HTR3E: variants seen among roughly 807,000 people sequenced by gnomAD.
The protein encoded by HTR3E is 5-hydroxytryptamine receptor 3E, also known as 5-hydroxytryptamine (serotonin) receptor 3, family member E.
In HTR3E, 38 loss-of-function variants were observed where a neutral mutation model predicts 38.0. That is an observed-to-expected ratio of 1.00 (90% confidence interval 0.77 to 1.31). The LOEUF (loss-of-function observed/expected upper bound fraction) is 1.31. Ranked by LOEUF, HTR3E falls within the 50% of genes most tolerant of loss-of-function variation. The probability of loss-of-function intolerance (pLI) is 0.00; values close to 1 mark genes in which losing one functional copy is unlikely to be tolerated. For synonymous variants in HTR3E, 210 were observed against 232.9 expected (o/e 0.90, Z 0.89); for missense variants, 547 against 585.2 (o/e 0.93, Z 0.67).
At chr3:184,098,105 G>T (rs139523323) in intron 1 of HTR3E, among the ~76,000 whole-genome samples, 281 of 152,322 alleles carry the variant, frequency 1.8e-3, no homozygotes, top group Non-Finnish European at 3.3e-3. Context: ...AGGGCTCTAG[G>T]TTAGGTAAGG....
chr3:184,101,423 T>C, intron 2 of HTR3E, 62 bp from the exon 3 acceptor site: 1 of 1,355,388 alleles, frequency 7.4e-7, no homozygotes, highest in Non-Finnish European at 1.1e-6. Context: ...GCATGGGAAG[T>C]GGGGGAGATG....
In HTR3E at chr3:184,100,284, C is replaced by G. The variant is rs1191755709; in HGVS notation, c.68-201C>G. ...TTATTACATGAGGGTAAAGCAGTATCTACCTGATAGGGGATTGGGAGGATT... is the reference window on the plus strand; with the variant it reads ...TTATTACATGAGGGTAAAGCAGTATGTACCTGATAGGGGATTGGGAGGATT... On this transcript the variant is annotated intron_variant, in intron 1 of 8. Transcript: ENST00000415389. 2 of 1,408,250 alleles carry G rather than the reference C, an allele frequency of 1.4e-6. 1 individual carries two copies. The highest frequency in any genetic ancestry group is 4.6e-5 in the East Asian group (2 of 43,602). 87.2% of individuals were successfully genotyped at this position (1,408,250 alleles called of 1,614,324 possible).
intron 4 of HTR3E, among the ~76,000 whole-genome samples, chr3:184,104,539 C>CT (rs1183599338): frequency 8.6e-6 from 1 of 116,520 alleles, no homozygotes; most frequent in Non-Finnish European, 1.8e-5. Flanking sequence ...AACCTCATCT[C>CT]TTAAAAAAAA....
intron 1 of HTR3E, among the ~76,000 whole-genome samples, chr3:184,098,693 T>C (rs1377713682): frequency 6.6e-6 from 1 of 152,198 alleles, no homozygotes; most frequent in East Asian, 1.9e-4. Flanking sequence ...TCAGTCCAAG[T>C]TGTTGCTCCT....
At chr3:184,103,863 A>G (rs1712237259) in intron 3 of HTR3E, among the ~76,000 whole-genome samples, 1 of 152,006 alleles carries the variant, frequency 6.6e-6, no homozygotes, top group Admixed American at 6.6e-5. Flanking sequence ...GAGGAAAGGA[A>G]GGAAGGAGCT....
chr3:184,106,143 T>A lies in HTR3E; in HGVS notation c.941T>A (p.Leu314Gln), dbSNP rs762458591. Residue 314 changes from leucine (L) to glutamine (Q), a missense_variant, in exon 8 of 9, where the codon CTG (leucine) becomes CAG (glutamine). Leu to Gln is a moderately radical substitution (Grantham distance 113). Transcript: ENST00000415389. The surrounding 1 kb of genome is among the most constrained non-coding windows in gnomAD (Gnocchi z 4.1). ...TTCCCTCCAGGTGTCTACTTCGCCC[T>A]GTGCCTGTCCCTGATGGTGGGCAGC... ...GTPLIGVYFA[L>Q]CLSLMVGSLL... is the part of the protein sequence containing the mutation. 6 of 1,613,280 alleles carry A rather than the reference T, an allele frequency of 3.7e-6. No individual in the cohort carries two copies. In the South Asian group the frequency reaches 4.4e-5, roughly 12 times the overall value.
chr3:184,098,677 T>C (rs766020423), intron 1 of HTR3E, among the ~76,000 whole-genome samples: 1 of 152,190 alleles, frequency 6.6e-6, no homozygotes, highest in Non-Finnish European at 1.5e-5. Flanking sequence ...TTATCAACCA[T>C]CTCTCTCAGT....
chr3:184,105,448 TCTTTC>T (rs1405261033), intron 6 of HTR3E, 21 bp downstream of exon 6: 2 of 1,581,378 alleles, frequency 1.3e-6, no homozygotes, highest in Non-Finnish European at 8.6e-7. Context: ...AGGCTCTTAC[TCTTTC>T]CTTCCTCCCG....
In HTR3E at chr3:184,106,170, T is replaced by G; in HGVS notation, c.968T>G (p.Leu323Arg). ...ALCLSLMVGS[L>R]LETIFITHLL... ...TGCCTGTCCCTGATGGTGGGCAGCC[T>G]GCTGGAGACCATCTTCATCACCCAC... Residue 323 changes from leucine (L) to arginine (R), a missense_variant, in exon 8 of 9, where the codon CTG (leucine) becomes CGG (arginine). Coordinates refer to ENST00000415389, the MANE Select transcript of HTR3E (RefSeq NM_001256613.2). The surrounding 1 kb of genome is among the most constrained non-coding windows in gnomAD (Gnocchi z 4.1). 1 of 1,612,960 alleles carries G rather than the reference T, an allele frequency of 6.2e-7. No homozygotes were observed.
At position 184,098,971 on chromosome 3, in the gene HTR3E, A is replaced by T. The variant is rs187131285; in HGVS notation, c.67+1375A>T. On this transcript the variant is annotated intron_variant, in intron 1 of 8. Coordinates refer to ENST00000415389, the MANE Select transcript of HTR3E (RefSeq NM_001256613.2). ...GGCAGAAGAATCGGTTGAACCTGGG[A>T]GCCAGAGATTGCAGTGAGTCAAGAT... 2.6e-4 allele frequency among the ~76,000 whole-genome samples: 39 copies of T among 152,028 alleles called. 1 individual carries two copies. Among genetic ancestry groups the T allele is most frequent in the Admixed American group, 1.4e-3 (21 of 15,258 alleles).
intron 1 of HTR3E, among the ~76,000 whole-genome samples, chr3:184,098,140 T>A (rs1270882290): frequency 2.6e-5 from 4 of 152,040 alleles, no homozygotes; most frequent in Non-Finnish European, 5.9e-5. Context: ...AGGTCAAGGG[T>A]GAAAGTAGAA....
Position 184,106,745 on chromosome 3 carries a change from C to A in HTR3E, c.*52C>A, listed in dbSNP as rs771995639. The A allele has an allele frequency of 8.9e-6, 14 of 1,574,444 alleles. No homozygotes were observed. The Admixed American group carries it at 2.2e-4, about 25-fold the overall frequency. On this transcript the variant is annotated 3_prime_UTR_variant, in exon 9 of 9. Coordinates refer to ENST00000415389, the MANE Select transcript of HTR3E (RefSeq NM_001256613.2). The surrounding 1 kb of genome is among the most constrained non-coding windows in gnomAD (Gnocchi z 4.1). The stretch of plus-strand genomic sequence containing the variant: ...CTGGAGCTTCTCTTGCCTCCAGGGA[C>A]TGGCCAGGTCTCCCCCCTTTCCTGA...
Position 184,104,879 on chromosome 3 carries a change from T to C in HTR3E, c.482T>C (p.Ile161Thr), listed in dbSNP as rs150488374. 9 of 1,613,950 alleles carry C rather than the reference T, an allele frequency of 5.6e-6. No homozygotes were observed. Among genetic ancestry groups the C allele is most frequent in the Non-Finnish European group, 7.6e-6 (9 of 1,180,014 alleles). ...RYKKPMKVDS[I>T]CNLDIFYFPF... ...AAGAAACCCATGAAGGTGGACAGTA[T>C]CTGTAACCTGGACATCTTCTACTTC... Residue 161 changes from isoleucine to threonine, a missense_variant, in exon 5 of 9, where the codon ATC becomes ACC. By Grantham distance (89) the Ile-to-Thr change is moderately conservative. Transcript: ENST00000415389.
In HTR3E at chr3:184,097,415, TG is replaced by T; in HGVS notation, c.-113del. ...TTTGAAGGAAGGTTACAAATGTCAG[TG>T]GTCAACCAATGCTATTAGTATTCAA... On this transcript the variant is annotated 5_prime_UTR_variant, in exon 1 of 9. The change abolishes the stop of an existing upstream ORF in the 5' untranslated region. Transcript: ENST00000415389. The T allele has an allele frequency of 1.4e-6, 1 of 705,884 alleles. No individual in the cohort carries two copies. The highest frequency in any genetic ancestry group is 2.4e-6 in the Non-Finnish European group (1 of 416,130). The allele number at this position is 705,884 out of a possible 1,614,324, so 43.7% of individuals were successfully genotyped here.
chr3:184,101,175 C>T (rs1009502902), intron 2 of HTR3E, among the ~76,000 whole-genome samples: 2 of 152,172 alleles, frequency 1.3e-5, no homozygotes, highest in East Asian at 3.9e-4. Context: ...AACTCCTGAC[C>T]TCAAGTGATC....
At chr3:184,100,083 G>A in intron 1 of HTR3E, 2 of 1,192,458 alleles carry the variant, frequency 1.7e-6, no homozygotes, top group South Asian at 3.1e-5. Context: ...GGAAGGAAGA[G>A]CCCAGCGTCT....
Position 184,106,285 on chromosome 3 carries a change from T to C in HTR3E, c.1083T>C (p.Cys361=). ...ACTGCAACAGCCCGGGGAGATGCTG[T>C]CCCACTGCGCCCCAGAAGGAAAATA... ...LLHCNSPGRC[C]PTAPQKENKG... is the part of the protein sequence containing the mutation. The change falls in exon 8 of 9, where the codon TGT becomes TGC. Residue 361 remains cysteine, a synonymous_variant. Coordinates refer to ENST00000415389, the MANE Select transcript of HTR3E (RefSeq NM_001256613.2). The surrounding 1 kb of genome is among the most constrained non-coding windows in gnomAD (Gnocchi z 4.1). 1.2e-6 allele frequency: 2 copies of C among 1,613,066 alleles called. No homozygotes were observed. Among genetic ancestry groups the C allele is most frequent in the East Asian group, 2.2e-5 (1 of 44,884 alleles).
At chr3:184,102,380 C>G (rs1317227668) in intron 3 of HTR3E, among the ~76,000 whole-genome samples, 1 of 149,756 alleles carries the variant, frequency 6.7e-6, no homozygotes, top group Non-Finnish European at 1.5e-5. Flanking sequence ...GGGAGGATCA[C>G]TTGAGCCTGG....
chr3:184,100,175 T>C (rs943619068), intron 1 of HTR3E: 8 of 1,417,266 alleles, frequency 5.6e-6, no homozygotes, highest in Middle Eastern at 2.6e-4. Flanking sequence ...CAAACCTGGG[T>C]TCAGAACAAG....
Sources: gnomAD v4.1 joint callset for allele counts (sites outside exome capture counted in the v4.1 genomes callset) on GRCh38, gnomAD v4.1.1 for gene constraint, Gnocchi (gnomAD v3.1) non-coding constraint, MANE v1.5 for transcripts, NCBI Gene and HGNC (gene_info 2026-07-23, HGNC 2026-07-21) for gene names.